Variants in SGCZ observed in about 807,000 individuals in gnomAD.
SGCZ encodes the protein zeta-sarcoglycan.
Under a neutral mutation model 41.3 loss-of-function variants are expected in SGCZ, and 40 were observed. The observed-to-expected ratio is 0.97, with a 90% CI of 0.75 to 1.26. SGCZ has a LOEUF of 1.26. Among genes scored for constraint, SGCZ ranks in the 50% most tolerant of loss-of-function variants. The pLI, the probability that SGCZ is intolerant of heterozygous loss-of-function variation, is 0.00. For synonymous variants in SGCZ, 206 were observed against 137.5 expected (o/e 1.50, Z -3.49); for missense variants, 552 against 369.8 (o/e 1.49, Z -4.04).
At chr8:14,462,729 G>T (rs1800937122) in intron 2 of SGCZ, among the ~76,000 whole-genome samples, 1 of 151,500 alleles carries the variant, frequency 6.6e-6, no homozygotes, top group Non-Finnish European at 1.5e-5. Context: ...ATAAATTTTA[G>T]GATTTTGTTT....
chr8:14,101,336 A>G (rs549217623), intron 7 of SGCZ, among the ~76,000 whole-genome samples: 91 of 84,118 alleles, frequency 1.1e-3, no homozygotes, highest in Non-Finnish European at 2.9e-3. Context: ...ATGTCTTCAG[A>G]GTTTCAGAAA....
chr8:14,199,275 CCT>C (rs1383759795), intron 4 of SGCZ, among the ~76,000 whole-genome samples: 2 of 152,086 alleles, frequency 1.3e-5, no homozygotes, highest in Non-Finnish European at 2.9e-5. Flanking sequence ...GAAATAAGCC[CCT>C]GTCTCCCATA....
intron 1 of SGCZ, among the ~76,000 whole-genome samples, chr8:14,944,251 C>A (rs536751471): frequency 2.0e-5 from 3 of 152,082 alleles, no homozygotes; most frequent in Non-Finnish European, 4.4e-5. Context: ...ACATTTTAGT[C>A]CTCAGTTTTA....
chr8:14,520,953 G>C (rs967959461), intron 2 of SGCZ, among the ~76,000 whole-genome samples: 4 of 152,058 alleles, frequency 2.6e-5, no homozygotes, highest in African/African-American at 7.2e-5. Context: ...GTAAAACATA[G>C]AATCAAGAAG....
At chr8:14,726,609 T>C (rs1810064846) in intron 1 of SGCZ, among the ~76,000 whole-genome samples, 1 of 151,786 alleles carries the variant, frequency 6.6e-6, no homozygotes, top group Non-Finnish European at 1.5e-5. Context: ...AATTTAAAAT[T>C]CACAATTTTG....
intron 2 of SGCZ, among the ~76,000 whole-genome samples, chr8:14,541,246 C>T (rs1396904709): frequency 2.0e-5 from 3 of 151,902 alleles, no homozygotes; most frequent in African/African-American, 7.3e-5. Context: ...AACCCAAGAT[C>T]TAGGTTTTAA....
intron 1 of SGCZ, among the ~76,000 whole-genome samples, chr8:15,048,801 T>C (rs765184521): frequency 6.6e-6 from 1 of 152,058 alleles, no homozygotes; most frequent in Non-Finnish European, 1.5e-5. Flanking sequence ...GTAAACTGTG[T>C]GAAGTTGTTT....
intron 3 of SGCZ, among the ~76,000 whole-genome samples, chr8:14,258,457 G>A (rs1362513768): frequency 8.5e-5 from 13 of 152,060 alleles, no homozygotes; most frequent in Admixed American, 7.9e-4. Flanking sequence ...CACAACTCTG[G>A]ACTAACTGTA....
chr8:14,548,039 A>G (rs13262092), intron 2 of SGCZ, among the ~76,000 whole-genome samples: 10,308 of 152,246 alleles, frequency 0.068, 525 homozygotes, highest in Non-Finnish European at 0.11. Flanking sequence ...GTCTGATAGT[A>G]TATGTTGTTA....
At chr8:14,510,132 T>C (rs181932222) in intron 2 of SGCZ, among the ~76,000 whole-genome samples, 95 of 152,244 alleles carry the variant, frequency 6.2e-4, no homozygotes, top group African/African-American at 2.2e-3. Context: ...AGAAATTTCC[T>C]CTGCAACACT....
At chr8:15,060,084 G>C (rs974182608) in intron 1 of SGCZ, among the ~76,000 whole-genome samples, 1 of 152,176 alleles carries the variant, frequency 6.6e-6, no homozygotes, top group African/African-American at 2.4e-5. Context: ...TTGGGAACTA[G>C]TTCAACCATT....
At chr8:15,018,748 C>T (rs892038105) in intron 1 of SGCZ, among the ~76,000 whole-genome samples, 7 of 152,174 alleles carry the variant, frequency 4.6e-5, no homozygotes, top group African/African-American at 1.4e-4. Flanking sequence ...TGTAGTAGTC[C>T]GTTCTCACAC....
At chr8:14,718,497 C>A (rs1279160033) in intron 1 of SGCZ, among the ~76,000 whole-genome samples, 2 of 152,010 alleles carry the variant, frequency 1.3e-5, no homozygotes, top group Non-Finnish European at 2.9e-5. Flanking sequence ...TCAATGATAA[C>A]TATAAAGAAG....
chr8:15,222,326 T>C (rs1215782083), intron 1 of SGCZ, among the ~76,000 whole-genome samples: 3 of 152,128 alleles, frequency 2.0e-5, no homozygotes, highest in Admixed American at 1.3e-4. Context: ...CAAGCAGTTA[T>C]GGCTAAGTAG....
At chr8:14,410,565 C>A (rs558128848) in intron 2 of SGCZ, among the ~76,000 whole-genome samples, 12 of 151,194 alleles carry the variant, frequency 7.9e-5, no homozygotes, top group South Asian at 4.2e-4. Context: ...AGAAGTTCTA[C>A]ACATGGACAC....
chr8:14,629,997 G>C (rs2117394140), intron 1 of SGCZ, among the ~76,000 whole-genome samples: 1 of 152,114 alleles, frequency 6.6e-6, no homozygotes, highest in African/African-American at 2.4e-5. Flanking sequence ...TCTGATTATT[G>C]TGTGCTAGGT....
rs117925918 is a variant in SGCZ, at chr8:14,725,091, A to G, written c.40-170165T>C. Among the ~76,000 whole-genome samples, 137 of 152,260 alleles carry G rather than the reference A, an allele frequency of 9.0e-4. 2 individuals are homozygous for G. The East Asian group carries it at 0.024, about 27-fold the overall frequency. On this transcript the variant is annotated intron_variant, in intron 1 of 7. Transcript: ENST00000382080. Reference sequence around the variant, plus strand: ...TTAGCTCCCACATATGAGTGAGAACACACAGTATTTGTCTTTCTGTGCTTG... The same window carrying G: ...TTAGCTCCCACATATGAGTGAGAACGCACAGTATTTGTCTTTCTGTGCTTG...
At chr8:14,394,414 G>T (rs923375048) in intron 2 of SGCZ, among the ~76,000 whole-genome samples, 1 of 152,086 alleles carries the variant, frequency 6.6e-6, no homozygotes, top group Admixed American at 6.5e-5. Flanking sequence ...CTTTCAAAGT[G>T]CTGGGATTAC....
intron 1 of SGCZ, among the ~76,000 whole-genome samples, chr8:15,065,256 C>T (rs746793334): frequency 6.6e-6 from 1 of 152,062 alleles, no homozygotes; most frequent in Non-Finnish European, 1.5e-5. Flanking sequence ...CATGCATTTC[C>T]TATGATTCAG....
Sources: gnomAD v4.1 joint callset for allele counts (sites outside exome capture counted in the v4.1 genomes callset) on GRCh38, gnomAD v4.1.1 for gene constraint, MANE v1.5 for transcripts, NCBI Gene and HGNC (gene_info 2026-07-23, HGNC 2026-07-21) for gene names.